MDN1: variants seen among roughly 807,000 people sequenced by gnomAD.
The protein encoded by MDN1 is midasin AAA ATPase 1.
In MDN1, 266 loss-of-function variants were observed where a neutral mutation model predicts 669.2. The ratio of observed to expected loss-of-function variants is 0.40; its 90% CI spans 0.36 to 0.44. The LOEUF (loss-of-function observed/expected upper bound fraction) is 0.44. MDN1 is among the 20% of genes least tolerant of loss of function. The probability of loss-of-function intolerance (pLI) is 1.00; values close to 1 mark genes in which losing one functional copy is unlikely to be tolerated. For synonymous variants in MDN1, 2,385 were observed against 2,457.1 expected, an observed-to-expected ratio of 0.97 and a Z score of 0.87; for missense variants, 5,940 against 6,754.0, an observed-to-expected ratio of 0.88 and a Z score of 4.22.
At chr6:89,726,295 T>C (rs572812258) in intron 37 of MDN1, among the ~76,000 whole-genome samples, 3 of 151,730 alleles carry the variant, frequency 2.0e-5, no homozygotes, top group East Asian at 3.9e-4. Flanking sequence ...ACCTTGTCTC[T>C]ACTAAAAATA....
chr6:89,680,994 T>C (rs1414105773), intron 73 of MDN1, among the ~76,000 whole-genome samples: 5 of 152,176 alleles, frequency 3.3e-5, no homozygotes, highest in Admixed American at 6.5e-5. Flanking sequence ...ATGCTTGCTA[T>C]GATAGCCACA....
rs1811398379 is a variant in MDN1 at position 89,678,657 on chromosome 6, G to A, written c.12354C>T (p.His4118=). 6.2e-7 allele frequency: 1 copy of A among 1,614,026 alleles called. No individual in the cohort carries two copies. The highest frequency in any genetic ancestry group is 1.1e-5 in the South Asian group (1 of 91,086). Residue 4118 remains histidine, a synonymous_variant, in exon 75 of 102, where the codon CAC becomes CAT. Coordinates refer to ENST00000369393, the MANE Select transcript of MDN1 (RefSeq NM_014611.3). ...AAGCTCGCTGTTTTTGCATGAGAAT[G>A]TGCTTGGCTTCTGACCGCTGCTTCT... ...EKEKQRSEAK[H]ILMQKQRALS... is the part of the protein sequence containing the mutation.
intron 35 of MDN1, among the ~76,000 whole-genome samples, chr6:89,730,204 G>A (rs1815501158): frequency 6.6e-6 from 1 of 152,152 alleles, no homozygotes; most frequent in South Asian, 2.1e-4. Context: ...CTAGACTACT[G>A]CATTTCCCAT....
chr6:89,745,154 A>T, intron 29 of MDN1, 119 bp downstream of exon 29: 3 of 1,073,598 alleles, frequency 2.8e-6, no homozygotes, highest in Non-Finnish European at 3.7e-6. Flanking sequence ...AAAAAAAAAG[A>T]AAAAAGAGGA....
rs1812676422 is a variant in MDN1, at chr6:89,695,538, G to A, written c.9771+67C>T. 1 of 1,513,928 alleles carries A rather than the reference G, an allele frequency of 6.6e-7. No individual in the cohort carries two copies. 93.8% of individuals were successfully genotyped at this position (1,513,928 alleles called of 1,614,324 possible). A position where few individuals can be genotyped will look rare whatever the true frequency, so the allele number is the denominator to read the frequency against. ...GAGCACCCAAAAGGGAATAAAAGGA[G>A]TAATACAATAAGCAAACCCAGCACG... is the stretch of plus-strand genomic sequence containing the variant. On this transcript the variant is annotated intron_variant, in intron 61 of 101. Transcript: ENST00000369393. This position sits in a 1 kb window ranked among gnomAD's most constrained non-coding sequence, Gnocchi z 4.1.
chr6:89,723,919 T>TG (rs1223938605), intron 38 of MDN1, among the ~76,000 whole-genome samples: 1 of 152,094 alleles, frequency 6.6e-6, no homozygotes, highest in African/African-American at 2.4e-5. Context: ...CCAAGGCAGG[T>TG]GGATCATGAG....
intron 2 of MDN1, among the ~76,000 whole-genome samples, chr6:89,798,780 C>T (rs1238261311): frequency 6.6e-6 from 1 of 152,130 alleles, no homozygotes; most frequent in Non-Finnish European, 1.5e-5. Flanking sequence ...TGTGTGTATA[C>T]TCTGATGTGT....
chr6:89,788,921 C>T lies in MDN1; in HGVS notation c.1230+859G>A, dbSNP rs548078572. Among the ~76,000 whole-genome samples the T allele has an allele frequency of 9.2e-5, 14 of 152,078 alleles. No homozygotes were observed. The South Asian group carries it at 1.9e-3, about 20-fold the overall frequency. Reference sequence around the variant, plus strand: ...CAGGCAGATCACGAGGTCAGGAGTTCGTGACCAGCCTGGCCAACATGGTGA... The same window carrying T: ...CAGGCAGATCACGAGGTCAGGAGTTTGTGACCAGCCTGGCCAACATGGTGA... On this transcript the variant is annotated intron_variant, in intron 7 of 101. Coordinates refer to ENST00000369393, the MANE Select transcript of MDN1 (RefSeq NM_014611.3).
Position 89,690,071 on chromosome 6 carries a change from C to T in MDN1, c.10822G>A (p.Ala3608Thr). 2.5e-6 allele frequency: 4 copies of T among 1,614,194 alleles called. No homozygotes were observed. The highest frequency in any genetic ancestry group is 3.4e-6 in the Non-Finnish European group (4 of 1,180,022). ...GAGAGGAGAGCTGGGTTTGTGCCTG[C>T]TTCCTCTTCTTGCCCATCTGAAGTT... ...KGTSDGQEEE[A>T]GTNPALLSQN... Residue 3608 changes from alanine (A) to threonine (T), a missense_variant, in exon 65 of 102, where the codon GCA (alanine) becomes ACA (threonine). By Grantham distance (58) the Ala-to-Thr change is moderately conservative. Around this residue, in one of 5 missense-constraint regions of MDN1, gnomAD observed 2,280 missense variants for 2,576.3 expected, o/e 0.88. Coordinates refer to ENST00000369393, the MANE Select transcript of MDN1 (RefSeq NM_014611.3).
At position 89,668,061 on chromosome 6, in the gene MDN1, C is replaced by G; in HGVS notation, c.14047G>C (p.Gly4683Arg). The change falls in exon 84 of 102, where the codon GGC becomes CGC. Residue 4683 changes from glycine to arginine, a missense_variant. Physicochemically the swap from Gly to Arg is moderately radical, Grantham distance 125 (BLOSUM62 -2). This residue lies in a region of MDN1 where 2,280 missense variants were observed against 2,576.3 expected (regional missense o/e 0.88). Transcript: ENST00000369393. ...HDYEGGGIGEGEGMKDVSDQI... is the reference protein window; with the variant it reads ...HDYEGGGIGEREGMKDVSDQI... The stretch of plus-strand genomic sequence containing the variant: ...TCACTCACATCCTTCATGCCCTCGC[C>G]TTCTCCAATTCCACCTCCCTCATAG... 6.2e-7 allele frequency: 1 copy of G among 1,614,158 alleles called. No individual in the cohort carries two copies. Among genetic ancestry groups the G allele is most frequent in the Non-Finnish European group, 8.5e-7 (1 of 1,180,004 alleles).
At chr6:89,805,015 C>A (rs903698320) in intron 1 of MDN1, among the ~76,000 whole-genome samples, 1 of 116,804 alleles carries the variant, frequency 8.6e-6, no homozygotes, top group Non-Finnish European at 1.6e-5. Context: ...CTAGCCTGGG[C>A]GACAGCGAGA....
At chr6:89,689,247 ATAG>A (rs1359436659) in intron 65 of MDN1, among the ~76,000 whole-genome samples, 1 of 152,228 alleles carries the variant, frequency 6.6e-6, no homozygotes, top group Non-Finnish European at 1.5e-5. Context: ...TCCTAATACT[ATAG>A]TAGCTACCTA....
chr6:89,678,764 CG>C lies in MDN1; in HGVS notation c.12266-20del. ...ACTTCACCTGTAAGGGAAAACAAGG[CG>C]GGGAGGGGAGACAATAAGAAAATCC... On this transcript the variant is annotated intron_variant, in intron 74 of 101. Transcript: ENST00000369393. The C allele has an allele frequency of 6.3e-7, 1 of 1,598,698 alleles. No individual in the cohort carries two copies. Among genetic ancestry groups the C allele is most frequent in the Non-Finnish European group, 8.5e-7 (1 of 1,171,770 alleles).
In MDN1 at chr6:89,706,123, T is replaced by C. The variant is rs1435495538; in HGVS notation, c.8084A>G (p.Asp2695Gly). 2 of 1,613,482 alleles carry C rather than the reference T, an allele frequency of 1.2e-6. No individual in the cohort carries two copies. Residue 2695 changes from aspartate to glycine, a missense_variant, in exon 53 of 102, where the codon GAT (aspartate) becomes GGT (glycine). Physicochemically the swap from Asp to Gly is moderately conservative, Grantham distance 94. Coordinates refer to ENST00000369393, the MANE Select transcript of MDN1 (RefSeq NM_014611.3). ...CTGTACCCAGAGCAGGACTAGTGCA[T>C]CACAAAGTTCAAAAAAAGCAGCAAG... Reference protein sequence around the residue: ...VNLAAFFELCDALVLLWVQSS... With the variant: ...VNLAAFFELCGALVLLWVQSS...
At chr6:89,783,789 C>A (rs1362876983) in intron 9 of MDN1, among the ~76,000 whole-genome samples, 1 of 152,062 alleles carries the variant, frequency 6.6e-6, no homozygotes, top group Admixed American at 6.6e-5. Flanking sequence ...TATTTCTCAG[C>A]CAGCCAACAC....
Position 89,776,587 on chromosome 6 carries a change from A to AG in MDN1, c.1821+12_1821+13insC, listed in dbSNP as rs774444414. The AG allele has an allele frequency of 1.9e-6, 3 of 1,591,540 alleles. No homozygotes were observed. Among genetic ancestry groups the AG allele is most frequent in the Non-Finnish European group, 2.6e-6 (3 of 1,163,364 alleles). ...CTCCTTTCAACAGGGAAGTAAAAAA[A>AG]CAGCACACATACCTTTTTTCTAGAA... On this transcript the variant is annotated intron_variant, in intron 12 of 101. Transcript: ENST00000369393.
At chr6:89,656,334 C>T (rs1383327887) in intron 91 of MDN1, among the ~76,000 whole-genome samples, 1 of 152,036 alleles carries the variant, frequency 6.6e-6, no homozygotes, top group Non-Finnish European at 1.5e-5. Context: ...ACTAATTTTG[C>T]ATCACGTGCA....
intron 58 of MDN1, among the ~76,000 whole-genome samples, 176 bp downstream of exon 58, chr6:89,699,425 C>A (rs1247201511): frequency 6.6e-6 from 1 of 152,184 alleles, no homozygotes; most frequent in Non-Finnish European, 1.5e-5. Context: ...AATATACCCT[C>A]ATAATTACTA....
intron 33 of MDN1, among the ~76,000 whole-genome samples, chr6:89,734,690 CAAGAGAGAGA>C (rs1448428904): frequency 3.5e-5 from 4 of 112,888 alleles, no homozygotes; most frequent in South Asian, 2.9e-4. Flanking sequence ...AAAAAAAAAA[CAAGAGAGAGA>C]GAGAGAGAGA....
Sources: gnomAD v4.1 joint callset for allele counts (sites outside exome capture counted in the v4.1 genomes callset) on GRCh38, gnomAD v4.1.1 for gene constraint, gnomAD v4.1.1 regional missense constraint, Gnocchi (gnomAD v3.1) non-coding constraint, MANE v1.5 for transcripts, NCBI Gene and HGNC (gene_info 2026-07-23, HGNC 2026-07-21) for gene names.